MEGF10: variants seen among roughly 807,000 people sequenced by gnomAD.
MEGF10 encodes multiple EGF like domains 10.
A neutral mutation model predicts 147.5 loss-of-function variants in MEGF10; 86 were observed. The ratio of observed to expected loss-of-function variants is 0.58; its 90% CI spans 0.49 to 0.70. The LOEUF (loss-of-function observed/expected upper bound fraction) is 0.70, where lower values mean the gene tolerates loss of function less well. MEGF10 is among the 30% of genes least tolerant of loss of function. The pLI is 0.00. For synonymous variants in MEGF10, 478 were observed against 525.5 expected (o/e 0.91, Z 1.24); for missense variants, 1,329 against 1,487.3 (o/e 0.89, Z 1.75).
chr5:127,347,667 A>T (rs1193399183), intron 4 of MEGF10, among the ~76,000 whole-genome samples: 1 of 152,102 alleles, frequency 6.6e-6, no homozygotes, highest in Non-Finnish European at 1.5e-5. Flanking sequence ...AGTGGAGTGC[A>T]CATGACCAAT....
chr5:127,316,213 G>T (rs1418701831), intron 1 of MEGF10, among the ~76,000 whole-genome samples: 3 of 152,118 alleles, frequency 2.0e-5, no homozygotes, highest in Non-Finnish European at 4.4e-5. Context: ...GCCCCTCCTG[G>T]ATGCTCCCTT....
At chr5:127,371,825 T>A (rs1762861175) in intron 5 of MEGF10, among the ~76,000 whole-genome samples, 1 of 152,214 alleles carries the variant, frequency 6.6e-6, no homozygotes. Context: ...GAAGCAACTT[T>A]TAGTTTATTT....
chr5:127,376,894 C>A (rs1561604462), intron 5 of MEGF10, among the ~76,000 whole-genome samples: 1 of 152,104 alleles, frequency 6.6e-6, no homozygotes, highest in African/African-American at 2.4e-5. Flanking sequence ...ACTTTAATCA[C>A]CGTGGTATGG....
At chr5:127,247,437 GAAGAAGAAGAAGAAGAAGAAGAAGAA>G in the MEGF10 span, among the ~76,000 whole-genome samples, 4 of 109,700 alleles carry the variant, frequency 3.6e-5, no homozygotes, top group African/African-American at 1.4e-4. Flanking sequence ...AGAAGAAGAA[GAAGAAGAAGAAGAAGAAGAAGAAGAA>G]GAAGAAGAAG....
chr5:127,416,577 G>C (rs1475492778), intron 9 of MEGF10, among the ~76,000 whole-genome samples: 2 of 152,118 alleles, frequency 1.3e-5, no homozygotes, highest in Non-Finnish European at 2.9e-5. Context: ...CTAGGCCCTT[G>C]CCTGTGAACA....
At chr5:127,252,949 G>A in the MEGF10 span, among the ~76,000 whole-genome samples, 1 of 151,480 alleles carries the variant, frequency 6.6e-6, no homozygotes, top group Admixed American at 6.6e-5. Flanking sequence ...CATTTAATAT[G>A]GCTAGCATAA....
intron 4 of MEGF10, among the ~76,000 whole-genome samples, chr5:127,345,692 G>A (rs1761857450): frequency 6.6e-6 from 1 of 151,940 alleles, no homozygotes; most frequent in African/African-American, 2.4e-5. Context: ...TTTTTGATTT[G>A]GAGATTTTTC....
intron 10 of MEGF10, 149 bp from the exon 11 acceptor site, chr5:127,418,971 G>A: frequency 2.2e-6 from 2 of 894,048 alleles, no homozygotes; most frequent in Non-Finnish European, 3.3e-6. Flanking sequence ...TTGTATAGTG[G>A]TGACATTATG....
chr5:127,309,617 A>C (rs1760172371), intron 1 of MEGF10, among the ~76,000 whole-genome samples: 1 of 152,214 alleles, frequency 6.6e-6, no homozygotes, highest in Admixed American at 6.5e-5. Flanking sequence ...AGCATGTGCC[A>C]GTTTCATTGC....
chr5:127,441,010 T>G, intron 18 of MEGF10, 143 bp downstream of exon 18: 1 of 1,088,806 alleles, frequency 9.2e-7, no homozygotes, highest in Non-Finnish European at 1.3e-6. Context: ...CATGACTGAC[T>G]TCCCCTCCCA....
intron 1 of MEGF10, among the ~76,000 whole-genome samples, chr5:127,306,755 C>A (rs185599717): frequency 6.6e-6 from 1 of 152,184 alleles, no homozygotes; most frequent in Non-Finnish European, 1.5e-5. Context: ...GAAGTCCAGG[C>A]GAAGCGGAGC....
At chr5:127,262,231 T>C in the MEGF10 span, among the ~76,000 whole-genome samples, 1 of 152,124 alleles carries the variant, frequency 6.6e-6, no homozygotes, top group Non-Finnish European at 1.5e-5. Flanking sequence ...TTCTAAGAAT[T>C]TTACAGATTT....
the MEGF10 span, chr5:127,229,722 G>C: frequency 1.3e-5 from 2 of 152,238 alleles, no homozygotes; most frequent in East Asian, 3.9e-4. Context: ...CACCTCCTCC[G>C]GGCGTGTGTA....
chr5:127,397,085 G>A lies in MEGF10; in HGVS notation c.659+307G>A, dbSNP rs56408687. Among the ~76,000 whole-genome samples, 951 of 152,202 alleles carry A rather than the reference G, an allele frequency of 6.2e-3. 9 individuals carry two copies. The highest frequency in any genetic ancestry group is 0.022 in the African/African-American group (906 of 41,512). ...GAATGGCACTATTTGGGGGTTGTTG[G>A]GGCATATTTGGGATTCTGTTTGGAT... On this transcript the variant is annotated intron_variant, in intron 6 of 24. Transcript: ENST00000503335.
At chr5:127,278,290 A>G in the MEGF10 span, among the ~76,000 whole-genome samples, 1 of 152,130 alleles carries the variant, frequency 6.6e-6, no homozygotes, top group South Asian at 2.1e-4. Flanking sequence ...GTTTCTGACA[A>G]TTGGTTTCAG....
In MEGF10 at chr5:127,366,812, AT is replaced by A. The variant is rs566412956; in HGVS notation, c.320-3097del. The stretch of plus-strand genomic sequence containing the variant: ...GAGAACATTGTGTGATTATCTAGCA[AT>A]CTCAAAGCATTCTGAAGCAGGTCTC... On this transcript the variant is annotated intron_variant, in intron 4 of 24. Transcript: ENST00000503335. Among the ~76,000 whole-genome samples the A allele has an allele frequency of 2.0e-4, 31 of 152,326 alleles. No individual in the cohort carries two copies. The East Asian group carries it at 3.3e-3, about 16-fold the overall frequency.
chr5:127,357,226 T>C (rs1762307918), intron 4 of MEGF10, among the ~76,000 whole-genome samples: 1 of 152,184 alleles, frequency 6.6e-6, no homozygotes, highest in African/African-American at 2.4e-5. Context: ...TACTGCCTCA[T>C]TGATGGGGAC....
chr5:127,454,266 C>A (rs2127043143), intron 22 of MEGF10, among the ~76,000 whole-genome samples: 1 of 152,346 alleles, frequency 6.6e-6, no homozygotes, highest in African/African-American at 2.4e-5. Flanking sequence ...TGTATCCTTT[C>A]TTTTCACTGT....
chr5:127,265,215 G>A, the MEGF10 span, among the ~76,000 whole-genome samples: 7 of 152,064 alleles, frequency 4.6e-5, no homozygotes. Context: ...ATGGTTTCCA[G>A]CTTCATCCAT....
Sources: allele counts gnomAD v4.1 joint callset (sites outside exome capture counted in the v4.1 genomes callset), GRCh38; gene constraint gnomAD v4.1.1; transcripts MANE v1.5; gene names NCBI Gene and HGNC (gene_info 2026-07-23, HGNC 2026-07-21).